Variants in LSP1 observed in about 807,000 individuals in gnomAD.
LSP1 encodes the protein lymphocyte-specific protein 1.
In LSP1, 32 loss-of-function variants were observed where a neutral mutation model predicts 49.3. The observed-to-expected ratio is 0.65, with a 90% CI of 0.49 to 0.87. LSP1 has a LOEUF of 0.87. Among genes scored for constraint, LSP1 ranks in the 40% least tolerant of loss-of-function variants. The pLI is 0.00. For missense variants in LSP1, 428 were observed against 442.6 expected (o/e 0.97, Z 0.30); for synonymous variants, 179 against 178.8 (o/e 1.00, Z -0.01).
intron 3 of LSP1, 112 bp downstream of exon 3, chr11:1,881,708 G>C: frequency 8.1e-7 from 1 of 1,227,126 alleles, no homozygotes; most frequent in Non-Finnish European, 1.1e-6. Context: ...GCGGGCGCTG[G>C]GCAGAGCAGG....
Position 1,869,451 on chromosome 11 carries a change from G to A in LSP1, c.54-10636G>A, listed in dbSNP as rs572545018. Among the ~76,000 whole-genome samples the A allele has an allele frequency of 2.0e-5, 3 of 152,162 alleles. No individual in the cohort carries two copies. In the South Asian group the frequency reaches 6.2e-4, roughly 32 times the overall value. On this transcript the variant is annotated intron_variant, in intron 1 of 10. Coordinates refer to ENST00000311604, the MANE Select transcript of LSP1 (RefSeq NM_002339.3). ...GGGCTGCCTTGAAGGAGGAGGGAGG[G>A]GGAGCAGAAGCGGGTGCAGGGTGGT...
At chr11:1,877,188 C>T (rs1848347857) in intron 1 of LSP1, among the ~76,000 whole-genome samples, 1 of 152,198 alleles carries the variant, frequency 6.6e-6, no homozygotes, top group African/African-American at 2.4e-5. Flanking sequence ...CCACCCCACC[C>T]CAGGAGAGCT....
At chr11:1,870,809 G>A (rs960057612) in intron 1 of LSP1, 2 of 988,150 alleles carry the variant, frequency 2.0e-6, no homozygotes, top group Non-Finnish European at 2.4e-6. Flanking sequence ...GCAGAGCCTC[G>A]AGCCGTTGCC....
chr11:1,858,669 G>A (rs946553824), intron 1 of LSP1, among the ~76,000 whole-genome samples: 9 of 152,168 alleles, frequency 5.9e-5, no homozygotes, highest in African/African-American at 1.9e-4. Context: ...TCGGCCAGGG[G>A]GCAGCCCAGC....
chr11:1,864,248 C>T (rs1306857261), intron 1 of LSP1: 12 of 987,264 alleles, frequency 1.2e-5, no homozygotes, highest in African/African-American at 1.8e-5. Flanking sequence ...AGGGAGGTGG[C>T]AGGTTGACGA....
At chr11:1,878,543 G>A (rs983318734) in intron 1 of LSP1, among the ~76,000 whole-genome samples, 2 of 152,074 alleles carry the variant, frequency 1.3e-5, no homozygotes, top group African/African-American at 4.8e-5. Flanking sequence ...GGCTTCGGTG[G>A]GGGGAGTGGG....
chr11:1,869,527 G>A (rs1341340688), intron 1 of LSP1: 6 of 421,096 alleles, frequency 1.4e-5, no homozygotes, highest in African/African-American at 6.1e-5. Flanking sequence ...TGGAAGCTGT[G>A]TGAGGGTCCC....
chr11:1,877,775 C>T (rs1236277721), intron 1 of LSP1, among the ~76,000 whole-genome samples: 2 of 152,150 alleles, frequency 1.3e-5, no homozygotes, highest in African/African-American at 2.4e-5. Flanking sequence ...AGCGTGGGCT[C>T]GTGGAGAACG....
At position 1,859,806 on chromosome 11, in the gene LSP1, C is replaced by T. The variant is rs117927855; in HGVS notation, c.53+6609C>T. On this transcript the variant is annotated intron_variant, in intron 1 of 10. Transcript: ENST00000311604. ...AGCAGTGCCTGCTTGAACAGAGGGC[C>T]ACACTGAACAGATGCATGCTGCAAG... 3.9e-3 allele frequency among the ~76,000 whole-genome samples: 586 copies of T among 151,894 alleles called. 21 individuals are homozygous for T. The South Asian group carries it at 0.066, about 17-fold the overall frequency.
At position 1,884,135 on chromosome 11, in the gene LSP1, C is replaced by T; in HGVS notation, c.591+111C>T. 1 of 1,435,792 alleles carries T rather than the reference C, an allele frequency of 7.0e-7. No individual in the cohort carries two copies. Among genetic ancestry groups the T allele is most frequent in the Non-Finnish European group, 9.7e-7 (1 of 1,026,920 alleles). 88.9% of individuals were successfully genotyped at this position (1,435,792 alleles called of 1,614,324 possible). A position where few individuals can be genotyped will look rare whatever the true frequency, so the allele number is the denominator to read the frequency against. On this transcript the variant is annotated intron_variant, in intron 5 of 10. Coordinates refer to ENST00000311604, the MANE Select transcript of LSP1 (RefSeq NM_002339.3). The surrounding 1 kb of genome is among the most constrained non-coding windows in gnomAD (Gnocchi z 4.1). Reference sequence around the variant, plus strand: ...GACCAGGCCCAGGCCTGGCTTTTGTCTGCTATCCCCCCATTGCCCGGTGCT... The same window carrying T: ...GACCAGGCCCAGGCCTGGCTTTTGTTTGCTATCCCCCCATTGCCCGGTGCT...
intron 1 of LSP1, among the ~76,000 whole-genome samples, chr11:1,875,999 G>C (rs1848294524): frequency 6.6e-6 from 1 of 152,250 alleles, no homozygotes; most frequent in Admixed American, 6.5e-5. Context: ...CAAGGGGCCT[G>C]CTGATGGGGG....
intron 1 of LSP1, chr11:1,870,095 C>T (rs7951837): frequency 0.017 from 7,914 of 465,992 alleles, 493 homozygotes; most frequent in African/African-American, 0.14. Context: ...AGGACGGAGG[C>T]GCTGGCTGCA....
Position 1,884,376 on chromosome 11 carries a change from G to C in LSP1, c.635+53G>C. ...GGGCTCAGATCTTAGGTTTAACCAA[G>C]TGGGGGTTGAAGGGAGTCACAAGGT... On this transcript the variant is annotated intron_variant, in intron 6 of 10. Transcript: ENST00000311604. The surrounding 1 kb of genome is among the most constrained non-coding windows in gnomAD (Gnocchi z 4.1). 1 of 1,613,132 alleles carries C rather than the reference G, an allele frequency of 6.2e-7. No homozygotes were observed. The highest frequency in any genetic ancestry group is 8.5e-7 in the Non-Finnish European group (1 of 1,179,214).
At chr11:1,890,282 G>T in intron 10 of LSP1, 1 of 712,414 alleles carries the variant, frequency 1.4e-6, no homozygotes, top group Non-Finnish European at 2.6e-6. Flanking sequence ...GAGCCTCGGC[G>T]GGGCGTGGGG....
chr11:1,862,599 T>C (rs4980393), intron 1 of LSP1, among the ~76,000 whole-genome samples: 98,494 of 151,908 alleles, frequency 0.65, 32,055 homozygotes, highest in East Asian at 0.78. Context: ...AATCTCACCT[T>C]ACCTGGGTGA....
chr11:1,873,757 G>A (rs1230153312), intron 1 of LSP1, among the ~76,000 whole-genome samples: 1 of 152,062 alleles, frequency 6.6e-6, no homozygotes, highest in Non-Finnish European at 1.5e-5. Flanking sequence ...GGCTAGTCTG[G>A]TGGTTGTGGG....
At chr11:1,877,060 C>T (rs919439437) in intron 1 of LSP1, among the ~76,000 whole-genome samples, 13 of 152,200 alleles carry the variant, frequency 8.5e-5, no homozygotes, top group East Asian at 1.9e-4. Flanking sequence ...CGCAGCTGCA[C>T]GGGGCTGAGC....
intron 10 of LSP1, chr11:1,889,717 C>T (rs1177009476): frequency 3.1e-6 from 2 of 650,816 alleles, no homozygotes. Flanking sequence ...TGCTCTCTGC[C>T]AGGGCCCATG....
Position 1,887,478 on chromosome 11 carries a change from C to T in LSP1, c.935C>T (p.Thr312Ile), listed in dbSNP as rs1299426387. Reference protein sequence around the residue: ...GSKTSSTIKSTPSGKRYKFVA... With the variant: ...GSKTSSTIKSIPSGKRYKFVA... The stretch of plus-strand genomic sequence containing the variant: ...CTTGGTCTCCTTTCCCAACAGAGCA[C>T]CCCATCTGGGAAGAGGTATAAGTTT... The change falls in exon 10 of 11, where the codon ACC becomes ATC. Residue 312 changes from threonine to isoleucine, a missense_variant. By Grantham distance (89) the Thr-to-Ile change is moderately conservative. Transcript: ENST00000311604. 1 of 1,613,820 alleles carries T rather than the reference C, an allele frequency of 6.2e-7. No individual in the cohort carries two copies. Among genetic ancestry groups the T allele is most frequent in the Middle Eastern group, 1.7e-4 (1 of 6,060 alleles).
Sources: gnomAD v4.1 joint callset for allele counts (sites outside exome capture counted in the v4.1 genomes callset) on GRCh38, gnomAD v4.1.1 for gene constraint, Gnocchi (gnomAD v3.1) non-coding constraint, MANE v1.5 for transcripts, NCBI Gene and HGNC (gene_info 2026-07-23, HGNC 2026-07-21) for gene names.